Variants in C1orf141 observed in about 807,000 individuals in gnomAD.
The protein encoded by C1orf141 is uncharacterized protein C1orf141.
In C1orf141, 19 loss-of-function variants were observed where a neutral mutation model predicts 23.2. The ratio of observed to expected loss-of-function variants is 0.82; its 90% CI spans 0.57 to 1.20. The LOEUF (loss-of-function observed/expected upper bound fraction) is 1.20. Among genes scored for constraint, C1orf141 ranks in the 50% most tolerant of loss-of-function variants. The pLI is 0.00. For synonymous variants in C1orf141, 153 were observed against 154.6 expected, an observed-to-expected ratio of 0.99 and a Z score of 0.08; for missense variants, 469 against 455.1, an observed-to-expected ratio of 1.03 and a Z score of -0.28.
At chr1:67,107,419 AAAC>A (rs1645954103) in intron 5 of C1orf141, among the ~76,000 whole-genome samples, 1 of 152,224 alleles carries the variant, frequency 6.6e-6, no homozygotes, top group South Asian at 2.1e-4. Flanking sequence ...TTAATAAAAT[AAAC>A]ATTTCAATGA....
upstream of C1orf141, among the ~76,000 whole-genome samples, chr1:67,138,196 A>C (rs1294094745): frequency 6.6e-6 from 1 of 152,240 alleles, no homozygotes; most frequent in African/African-American, 2.4e-5. Flanking sequence ...TTCCAGATTA[A>C]AGCTATCTTT....
intron 6 of C1orf141, 48 bp from the exon 7 acceptor site, chr1:67,095,469 C>A: frequency 9.9e-7 from 1 of 1,011,052 alleles, no homozygotes. Context: ...CTGATTACAG[C>A]TTGTCAGTTC....
At chr1:67,124,389 A>G (rs1009404531) in intron 4 of C1orf141, among the ~76,000 whole-genome samples, 17 of 152,044 alleles carry the variant, frequency 1.1e-4, no homozygotes, top group African/African-American at 4.1e-4. Flanking sequence ...CTCAGCTCAC[A>G]GCAACCTCTG....
In C1orf141 at chr1:67,093,438, A is replaced by C. The variant is rs1487090809; in HGVS notation, c.770T>G (p.Ile257Arg). Residue 257 changes from isoleucine (I) to arginine (R), a missense_variant, in exon 8 of 8, where the codon ATA (isoleucine) becomes AGA (arginine). Transcript: ENST00000684719. ...AAGAGAAATAGATTGATTGCCAATT[A>C]TAGATTTGAGGATTTCACAATTTCT... is the stretch of plus-strand genomic sequence containing the variant. ...LERNCEILKS[I>R]IGNQSISLFK... 1.9e-6 allele frequency: 3 copies of C among 1,611,440 alleles called. No homozygotes were observed. Among genetic ancestry groups the C allele is most frequent in the Non-Finnish European group, 2.5e-6 (3 of 1,178,176 alleles).
At chr1:67,128,355 TTATTTATTTATTTATTTATTTA>T (rs928107102) in intron 2 of C1orf141, among the ~76,000 whole-genome samples, 1 of 46 alleles carries the variant, frequency 0.022, no homozygotes, top group Non-Finnish European at 0.045. Context: ...AAAGCTCCCT[TTATTTATTTATTTATTTATTTA>T]TTTATTTATT....
chr1:67,101,577 A>G (rs1168634206), intron 5 of C1orf141, among the ~76,000 whole-genome samples: 2 of 151,608 alleles, frequency 1.3e-5, no homozygotes, highest in Non-Finnish European at 2.9e-5. Context: ...AAGAAATGGA[A>G]TTGTGCACTG....
chr1:67,105,985 T>C (rs1202608084), intron 5 of C1orf141, among the ~76,000 whole-genome samples: 1 of 152,178 alleles, frequency 6.6e-6, no homozygotes, highest in Admixed American at 6.5e-5. Flanking sequence ...GAGACTCCTA[T>C]GTGTAAGGGA....
At chr1:67,115,663 G>T (rs1458214743) in intron 4 of C1orf141, among the ~76,000 whole-genome samples, 199 bp from the exon 5 acceptor site, 1 of 152,120 alleles carries the variant, frequency 6.6e-6, no homozygotes, top group Non-Finnish European at 1.5e-5. Flanking sequence ...TTAAAGTGGA[G>T]GGGGACAGAA....
At chr1:67,121,203 C>T (rs942003827) in intron 4 of C1orf141, among the ~76,000 whole-genome samples, 1 of 152,172 alleles carries the variant, frequency 6.6e-6, no homozygotes, top group Admixed American at 6.5e-5. Flanking sequence ...TGGAATTTTA[C>T]TCATTCATCG....
intron 5 of C1orf141, among the ~76,000 whole-genome samples, chr1:67,112,546 GTACAAAAA>G (rs1646096302): frequency 1.3e-5 from 2 of 151,780 alleles, no homozygotes; most frequent in Admixed American, 6.6e-5. Flanking sequence ...TAAAAAAAAA[GTACAAAAA>G]TTAGCTGAGT....
intron 5 of C1orf141, among the ~76,000 whole-genome samples, chr1:67,107,624 C>G (rs1358339397): frequency 6.6e-6 from 1 of 152,202 alleles, no homozygotes; most frequent in African/African-American, 2.4e-5. Context: ...CATAGTGGCT[C>G]ACGCCTGTAA....
chr1:67,094,881 T>C (rs545758644), intron 7 of C1orf141: 93 of 169,002 alleles, frequency 5.5e-4, no homozygotes, highest in African/African-American at 2.1e-3. Context: ...GCAGTTCCCC[T>C]GCCTCAGACT....
upstream of C1orf141, among the ~76,000 whole-genome samples, chr1:67,139,914 A>C (rs548803791): frequency 6.6e-6 from 1 of 152,284 alleles, no homozygotes; most frequent in East Asian, 1.9e-4. Context: ...TTATGGGTTA[A>C]CAGATTAATG....
At chr1:67,103,770 C>G (rs1307809688) in intron 5 of C1orf141, among the ~76,000 whole-genome samples, 1 of 152,076 alleles carries the variant, frequency 6.6e-6, no homozygotes, top group African/African-American at 2.4e-5. Flanking sequence ...CTCTCTCTAA[C>G]ATAGAGTAGG....
intron 1 of C1orf141, among the ~76,000 whole-genome samples, chr1:67,134,720 A>AG (rs1345226048): frequency 7.2e-5 from 11 of 152,206 alleles, no homozygotes; most frequent in African/African-American, 2.7e-4. Flanking sequence ...CGAACCTGGA[A>AG]GAGCCCCCCG....
chr1:67,116,900 T>C (rs1375633405), intron 4 of C1orf141, among the ~76,000 whole-genome samples: 4 of 152,162 alleles, frequency 2.6e-5, no homozygotes, highest in Non-Finnish European at 5.9e-5. Flanking sequence ...CCATCTAAAA[T>C]AGTAATCCCT....
At chr1:67,102,540 A>T (rs1370252567) in intron 5 of C1orf141, 2 of 152,056 alleles carry the variant, frequency 1.3e-5, no homozygotes, top group East Asian at 3.9e-4. Flanking sequence ...CCAGTCACAC[A>T]ACCTATCTTG....
chr1:67,097,251 C>A (rs1455027956), intron 5 of C1orf141, among the ~76,000 whole-genome samples: 1 of 152,026 alleles, frequency 6.6e-6, no homozygotes, highest in African/African-American at 2.4e-5. Context: ...AACAAGTAAA[C>A]CAACCAACAA....
chr1:67,136,290 C>T (rs1437718990), upstream of C1orf141, among the ~76,000 whole-genome samples: 1 of 152,146 alleles, frequency 6.6e-6, no homozygotes, highest in Non-Finnish European at 1.5e-5. Context: ...ATCCTCTTGC[C>T]TTGTTCTCCC....
Sources: allele counts gnomAD v4.1 joint callset (sites outside exome capture counted in the v4.1 genomes callset), GRCh38; gene constraint gnomAD v4.1.1; transcripts MANE v1.5; gene names NCBI Gene and HGNC (gene_info 2026-07-23, HGNC 2026-07-21).